NSG1: variants seen among roughly 807,000 people sequenced by gnomAD.
NSG1 encodes the protein neuronal vesicle trafficking associated 1.
Under a neutral mutation model 19.3 loss-of-function variants are expected in NSG1, and 9 were observed. That is an observed-to-expected ratio of 0.47 (90% CI 0.28 to 0.81). The LOEUF is 0.81. Among genes scored for constraint, NSG1 ranks in the 40% least tolerant of loss-of-function variants. The probability of loss-of-function intolerance (pLI) is 0.11; values close to 1 mark genes in which losing one functional copy is unlikely to be tolerated. For synonymous variants in NSG1, 104 were observed against 107.0 expected (o/e 0.97, Z 0.17); for missense variants, 236 against 242.4 (o/e 0.97, Z 0.18).
At chr4:4,416,715 GACC>G (rs1433843234) in intron 4 of NSG1, among the ~76,000 whole-genome samples, 1 of 149,968 alleles carries the variant, frequency 6.7e-6, no homozygotes, top group Non-Finnish European at 1.5e-5. Context: ...CCCTAGTCAT[GACC>G]ACCTAGTGGC....
chr4:4,412,704 C>G (rs987028160), intron 4 of NSG1, among the ~76,000 whole-genome samples: 3 of 152,200 alleles, frequency 2.0e-5, no homozygotes, highest in African/African-American at 4.8e-5. Context: ...TCCATACACT[C>G]GGTAGCTGTG....
chr4:4,403,271 C>A (rs1378013410), intron 3 of NSG1, among the ~76,000 whole-genome samples: 1 of 152,166 alleles, frequency 6.6e-6, no homozygotes, highest in African/African-American at 2.4e-5. Flanking sequence ...GGCATTCTCC[C>A]CAGGCCTGAA....
intron 3 of NSG1, among the ~76,000 whole-genome samples, chr4:4,394,394 T>C (rs1723144446): frequency 6.6e-6 from 1 of 152,158 alleles, no homozygotes; most frequent in African/African-American, 2.4e-5. Flanking sequence ...TTTTCTCTTG[T>C]GTCTTTCTGA....
chr4:4,415,813 CTGAGGGA>C, intron 4 of NSG1: 1 of 379,594 alleles, frequency 2.6e-6, no homozygotes, highest in Non-Finnish European at 4.9e-6. Flanking sequence ...GTCCGTTTCC[CTGAGGGA>C]TGACGAGCAG....
chr4:4,415,553 CT>C (rs1020191311), intron 4 of NSG1, among the ~76,000 whole-genome samples: 4 of 152,058 alleles, frequency 2.6e-5, no homozygotes, highest in Admixed American at 6.5e-5. Flanking sequence ...CCTTCACCCC[CT>C]GGGGTGCTCG....
chr4:4,399,753 C>G (rs1037890151), intron 3 of NSG1, among the ~76,000 whole-genome samples: 1 of 152,112 alleles, frequency 6.6e-6, no homozygotes, highest in Admixed American at 6.5e-5. Context: ...TTGTACTGAC[C>G]AGGGAGCAGG....
chr4:4,394,238 A>C (rs11943737), intron 3 of NSG1, among the ~76,000 whole-genome samples: 3,641 of 152,208 alleles, frequency 0.024, 155 homozygotes, highest in African/African-American at 0.084. Flanking sequence ...CCACTTCTTC[A>C]AATCCTTTTC....
At chr4:4,408,468 TGA>T (rs1723986571) in intron 3 of NSG1, among the ~76,000 whole-genome samples, 3 of 152,122 alleles carry the variant, frequency 2.0e-5, no homozygotes, top group Non-Finnish European at 4.4e-5. Context: ...TTTTATTGAT[TGA>T]TTTATTTTGA....
intron 1 of NSG1, among the ~76,000 whole-genome samples, chr4:4,387,392 T>G (rs1351666944): frequency 6.6e-6 from 1 of 152,022 alleles, no homozygotes; most frequent in Non-Finnish European, 1.5e-5. Context: ...GCCCGGCGCT[T>G]GGGTCCTGCG....
intron 4 of NSG1, among the ~76,000 whole-genome samples, chr4:4,415,220 C>A (rs1039205333): frequency 6.6e-6 from 1 of 152,154 alleles, no homozygotes; most frequent in Non-Finnish European, 1.5e-5. Context: ...TTAGTGGCTA[C>A]TCTTTTCCAG....
intron 2 of NSG1, among the ~76,000 whole-genome samples, chr4:4,390,329 G>T (rs111662295): frequency 1.2e-3 from 177 of 152,328 alleles, no homozygotes; most frequent in African/African-American, 4.0e-3. Context: ...CAAGAGTGTG[G>T]TTACAAGGTT....
Position 4,417,694 on chromosome 4 carries a change from T to C in NSG1, c.*259T>C, listed in dbSNP as rs559443918. The C allele has an allele frequency of 9.0e-5, 45 of 498,386 alleles. 1 individual carries two copies. The highest frequency in any genetic ancestry group is 9.8e-5 in the Non-Finnish European group (27 of 276,572). 30.9% of individuals were successfully genotyped at this position (498,386 alleles called of 1,614,324 possible). A position where few individuals can be genotyped will look rare whatever the true frequency, so the allele number is the denominator to read the frequency against. On this transcript the variant is annotated 3_prime_UTR_variant, in exon 5 of 5. Coordinates refer to ENST00000621129, the MANE Select transcript of NSG1 (RefSeq NM_014392.5). ...TCTTCATTTAGCTCCTTTACTGGGA[T>C]TTATTGGATGCTGTAAAAAAATAAA...
chr4:4,414,191 A>G (rs1399200916), intron 4 of NSG1, among the ~76,000 whole-genome samples: 2 of 151,984 alleles, frequency 1.3e-5, no homozygotes, highest in Non-Finnish European at 2.9e-5. Flanking sequence ...TGCAAGCCCA[A>G]GTCCCGCTGG....
chr4:4,390,934 G>A (rs1722957698), intron 2 of NSG1, among the ~76,000 whole-genome samples: 1 of 152,072 alleles, frequency 6.6e-6, no homozygotes, highest in South Asian at 2.1e-4. Context: ...CAGGGGCAGG[G>A]GGAGAGGAGG....
chr4:4,409,205 G>A (rs934952569), intron 3 of NSG1, among the ~76,000 whole-genome samples: 6 of 152,240 alleles, frequency 3.9e-5, no homozygotes, highest in African/African-American at 1.4e-4. Context: ...CACCACCGCC[G>A]TGATGGGGCA....
chr4:4,408,672 C>G (rs1723996090), intron 3 of NSG1, among the ~76,000 whole-genome samples: 2 of 152,218 alleles, frequency 1.3e-5, no homozygotes, highest in South Asian at 2.1e-4. Flanking sequence ...GTTGGCCAAG[C>G]TGGTGTCGAA....
At chr4:4,403,618 A>G (rs1723686676) in intron 3 of NSG1, among the ~76,000 whole-genome samples, 2 of 152,186 alleles carry the variant, frequency 1.3e-5, no homozygotes, top group Non-Finnish European at 1.5e-5. Context: ...TTGAATCAGC[A>G]AAGTCCCTTA....
chr4:4,394,516 G>C (rs1463479899), intron 3 of NSG1, among the ~76,000 whole-genome samples: 1 of 152,166 alleles, frequency 6.6e-6, no homozygotes, highest in Non-Finnish European at 1.5e-5. Flanking sequence ...AAGGTCCATT[G>C]GTGTGGCCCT....
chr4:4,415,723 C>CTTGAGAAAA, intron 4 of NSG1: 1 of 162,854 alleles, frequency 6.1e-6, no homozygotes, highest in South Asian at 1.6e-4. Flanking sequence ...AGCGGGGCCG[C>CTTGAGAAAA]CACTCCACAG....
Sources: gnomAD v4.1 joint callset for allele counts (sites outside exome capture counted in the v4.1 genomes callset) on GRCh38, gnomAD v4.1.1 for gene constraint, MANE v1.5 for transcripts, NCBI Gene and HGNC (gene_info 2026-07-23, HGNC 2026-07-21) for gene names.